Variants in NOS2 observed in about 807,000 individuals in gnomAD.
The protein encoded by NOS2 is nitric oxide synthase, inducible.
Under a neutral mutation model 136.0 loss-of-function variants are expected in NOS2, and 96 were observed. The ratio of observed to expected loss-of-function variants is 0.71; its 90% confidence interval spans 0.60 to 0.84. The LOEUF is 0.84. NOS2 is among the 40% of genes least tolerant of loss of function. NOS2 has a pLI of 0.00. For synonymous variants in NOS2, 539 were observed against 587.5 expected (o/e 0.92, Z 1.20); for missense variants, 1,237 against 1,496.9 (o/e 0.83, Z 2.87).
intron 19 of NOS2, among the ~76,000 whole-genome samples, chr17:27,766,249 A>T (rs1303734834): frequency 2.0e-5 from 3 of 152,192 alleles, no homozygotes; most frequent in African/African-American, 7.2e-5. Context: ...CTTTTAGTGA[A>T]AGAGTTCAAT....
In NOS2 at chr17:27,769,638, T is replaced by C. The variant is rs867236233; in HGVS notation, c.1810-54A>G. On this transcript the variant is annotated intron_variant, in intron 15 of 26. Transcript: ENST00000313735. ...CAAGCCAGGATGAATAAAAACACTG[T>C]TTTTTCCTTTCTTCTGGAAACCTGG... is the stretch of plus-strand genomic sequence containing the variant. 1.9e-5 allele frequency: 28 copies of C among 1,476,290 alleles called. No individual in the cohort carries two copies. The Middle Eastern group carries it at 1.0e-3, about 54-fold the overall frequency. 91.4% of individuals were successfully genotyped at this position (1,476,290 alleles called of 1,614,324 possible).
Position 27,800,463 on chromosome 17 carries a change from T to C in NOS2, c.-198A>G, listed in dbSNP as rs1276633086. On this transcript the variant is annotated 5_prime_UTR_variant, in exon 1 of 27. Transcript: ENST00000313735. The stretch of plus-strand genomic sequence containing the variant: ...CCTCATCAAAGGTGGCCGAGAGATT[T>C]TAAAGCAGGAATGAGGCTGAGTTCT... The C allele has an allele frequency of 6.6e-6, 1 of 152,210 alleles. No homozygotes were observed. Among genetic ancestry groups the C allele is most frequent in the East Asian group, 1.9e-4 (1 of 5,194 alleles). The allele number at this position is 152,210 out of a possible 1,614,324, so 9.4% of individuals were successfully genotyped here. A position where few individuals can be genotyped will look rare whatever the true frequency, so the allele number is the denominator to read the frequency against.
At chr17:27,769,275 G>T in intron 16 of NOS2, 124 bp from the exon 17 acceptor site, 1 of 1,023,480 alleles carries the variant, frequency 9.8e-7, no homozygotes, top group Non-Finnish European at 1.4e-6. Context: ...AATGGAGCTG[G>T]ACCCCCTTCT....
intron 5 of NOS2, among the ~76,000 whole-genome samples, chr17:27,786,082 G>A (rs1273576670): frequency 6.6e-6 from 1 of 151,440 alleles, no homozygotes; most frequent in East Asian, 1.9e-4. Context: ...GCAGTGCTGT[G>A]TGAGGCTCTC....
intron 15 of NOS2, among the ~76,000 whole-genome samples, chr17:27,770,509 CAA>C (rs1567636071): frequency 2.6e-5 from 4 of 152,130 alleles, no homozygotes. Context: ...AATAAATAAA[CAA>C]ACAAACACCA....
At chr17:27,794,011 C>T (rs1251593976) in intron 2 of NOS2, among the ~76,000 whole-genome samples, 1 of 152,220 alleles carries the variant, frequency 6.6e-6, no homozygotes, top group Non-Finnish European at 1.5e-5. Flanking sequence ...CGCAATAAAG[C>T]TTATGATAAT....
At chr17:27,797,815 G>C (rs556673052) in intron 2 of NOS2, among the ~76,000 whole-genome samples, 1 of 152,294 alleles carries the variant, frequency 6.6e-6, no homozygotes, top group Admixed American at 6.5e-5. Context: ...GGATGGGCCC[G>C]GGGAGGAGGG....
At chr17:27,784,895 T>G (rs1043194950) in intron 5 of NOS2, among the ~76,000 whole-genome samples, 4 of 152,210 alleles carry the variant, frequency 2.6e-5, no homozygotes, top group African/African-American at 9.7e-5. Context: ...TCAAGGTATG[T>G]ACTTGTGACT....
chr17:27,782,547 C>A (rs1011048193), intron 6 of NOS2, among the ~76,000 whole-genome samples: 2 of 152,158 alleles, frequency 1.3e-5, no homozygotes, highest in Admixed American at 1.3e-4. Context: ...ACAAATGACT[C>A]CCCAACAAAA....
intron 18 of NOS2, among the ~76,000 whole-genome samples, chr17:27,767,498 T>C (rs1206102771): frequency 6.6e-6 from 1 of 152,216 alleles, no homozygotes; most frequent in Admixed American, 6.5e-5. Context: ...ATCCCTTCTG[T>C]CTCCACCACC....
rs546608787 is a variant in NOS2 at position 27,787,896 on chromosome 17, C to T, written c.319-70G>A. ...TTGCCACCCTCCTCTGGGGCCAGCT[C>T]TCCTGGCCACCTGGCTCCTCTCTGG... On this transcript the variant is annotated intron_variant, in intron 4 of 26. Transcript: ENST00000313735. The T allele has an allele frequency of 2.0e-6, 3 of 1,489,572 alleles. No individual in the cohort carries two copies. In the African/African-American group the frequency reaches 4.2e-5, roughly 21 times the overall value. The allele number at this position is 1,489,572 out of a possible 1,614,324, so 92.3% of individuals were successfully genotyped here.
chr17:27,768,591 G>A (rs1014974553), intron 17 of NOS2, among the ~76,000 whole-genome samples: 7 of 152,228 alleles, frequency 4.6e-5, no homozygotes, highest in Non-Finnish European at 1.0e-4. Flanking sequence ...GAGATACTGA[G>A]TGGATCCAAA....
intron 2 of NOS2, among the ~76,000 whole-genome samples, chr17:27,797,199 A>G (rs1909379723): frequency 6.6e-6 from 1 of 152,200 alleles, no homozygotes; most frequent in Admixed American, 6.5e-5. Context: ...CATACTTCAA[A>G]GGCCACAGAG....
chr17:27,788,763 C>T, intron 4 of NOS2, 46 bp downstream of exon 4: 1 of 1,584,794 alleles, frequency 6.3e-7, no homozygotes, highest in Middle Eastern at 1.9e-4. Flanking sequence ...CTGGCAGCTT[C>T]ACCAGCTTGG....
chr17:27,773,406 G>A (rs543950700), intron 12 of NOS2, among the ~76,000 whole-genome samples, 163 bp from the exon 13 acceptor site: 58 of 152,338 alleles, frequency 3.8e-4, no homozygotes, highest in African/African-American at 1.4e-3. Context: ...GGAGGGCCGT[G>A]GCTGCCTCTC....
intron 1 of NOS2, among the ~76,000 whole-genome samples, chr17:27,799,461 C>T (rs1338861027): frequency 6.6e-6 from 1 of 152,204 alleles, no homozygotes; most frequent in East Asian, 1.9e-4. Context: ...CCCTCGAAAT[C>T]TGAGATCATC....
At position 27,772,431 on chromosome 17, in the gene NOS2, CA is replaced by C; in HGVS notation, c.1580del (p.Met527SerfsTer2). On this transcript the variant is annotated frameshift_variant, in exon 14 of 27. Transcript: ENST00000313735. LOFTEE classifies it high-confidence loss of function. ...GGGACGCCATTGTCTTGCGCATCAG[CA>C]TACAGGCAAAGAGCACAGCTCTGTG... ...VLVKAVLFACMLMRKTMASRV... is the reference protein window; with the variant it reads ...VLVKAVLFACXLMRKTMASRV... The C allele has an allele frequency of 6.2e-7, 1 of 1,614,030 alleles. No homozygotes were observed. Among genetic ancestry groups the C allele is most frequent in the Non-Finnish European group, 8.5e-7 (1 of 1,180,034 alleles).
At chr17:27,784,811 C>T (rs980969006) in intron 5 of NOS2, among the ~76,000 whole-genome samples, 2 of 152,188 alleles carry the variant, frequency 1.3e-5, no homozygotes, top group Non-Finnish European at 2.9e-5. Flanking sequence ...TCTTAGATTG[C>T]CAGGGTCCCT....
In NOS2 at chr17:27,781,063, C is replaced by T. The variant is rs894579737; in HGVS notation, c.837G>A (p.Gly279=). Residue 279 remains glycine, a synonymous_variant, in exon 8 of 27, where the codon GGG becomes GGA. Transcript: ENST00000313735. ...GAGTGAATTCCACGTTGGCAGGGTC[C>T]CCTCTGATGCTGCCATCTGGCATCT... is the stretch of plus-strand genomic sequence containing the variant. ...GYQMPDGSIR[G]DPANVEFTQL... 5.6e-6 allele frequency: 9 copies of T among 1,613,740 alleles called. No homozygotes were observed. The highest frequency in any genetic ancestry group is 1.3e-5 in the African/African-American group (1 of 74,946).
Sources: gnomAD v4.1 joint callset for allele counts (sites outside exome capture counted in the v4.1 genomes callset) on GRCh38, gnomAD v4.1.1 for gene constraint, MANE v1.5 for transcripts, NCBI Gene and HGNC (gene_info 2026-07-23, HGNC 2026-07-21) for gene names.